ATRN: variants seen among roughly 807,000 people sequenced by gnomAD.
ATRN encodes the protein attractin, also known as attractin-2.
ATRN carries 54 observed loss-of-function variants against 178.7 expected under a neutral mutation model. The ratio of observed to expected loss-of-function variants is 0.30; its 90% CI spans 0.24 to 0.38. The LOEUF is 0.38. Among genes scored for constraint, ATRN ranks in the 10% least tolerant of loss-of-function variants. The probability of loss-of-function intolerance (pLI) is 1.00; values close to 1 mark genes in which losing one functional copy is unlikely to be tolerated. For synonymous variants in ATRN, 636 were observed against 663.0 expected, an observed-to-expected ratio of 0.96 and a Z score of 0.63; for missense variants, 1,443 against 1,815.1, an observed-to-expected ratio of 0.79 and a Z score of 3.73.
intron 1 of ATRN, chr20:3,489,428 C>T (rs543591283): frequency 1.4e-4 from 99 of 726,620 alleles, no homozygotes; most frequent in Non-Finnish European, 2.3e-4. Context: ...CATGAGACTA[C>T]GTAGCAAAGG....
intron 23 of ATRN, among the ~76,000 whole-genome samples, chr20:3,603,417 G>C (rs571790365): frequency 6.6e-6 from 1 of 152,224 alleles, no homozygotes; most frequent in Admixed American, 6.5e-5. Context: ...ATGATCATGT[G>C]TGTCACCTGT....
Position 3,547,356 on chromosome 20 carries a change from A to G in ATRN, c.810A>G (p.Glu270=). The G allele has an allele frequency of 1.2e-6, 2 of 1,614,122 alleles. No individual in the cohort carries two copies. The highest frequency in any genetic ancestry group is 1.7e-6 in the Non-Finnish European group (2 of 1,179,976). ...CKISNSSDTV[E]CECSENWKGE... Reference sequence around the variant, plus strand: ...TCAGTAATAGCAGCGATACTGTTGAATGTGAATGTTCTGAAAACTGGAAAG... The same window carrying G: ...TCAGTAATAGCAGCGATACTGTTGAGTGTGAATGTTCTGAAAACTGGAAAG... Residue 270 remains glutamate, a synonymous_variant, in exon 5 of 29, where the codon GAA becomes GAG. Coordinates refer to ENST00000262919, the MANE Select transcript of ATRN (RefSeq NM_139321.3).
intron 24 of ATRN, among the ~76,000 whole-genome samples, chr20:3,620,646 G>A (rs377129662): frequency 1.3e-5 from 2 of 152,238 alleles, no homozygotes; most frequent in African/African-American, 2.4e-5. Flanking sequence ...GACAGGGATA[G>A]GGCCTGAGAT....
intron 22 of ATRN, among the ~76,000 whole-genome samples, chr20:3,599,913 C>T (rs889302267): frequency 6.6e-6 from 1 of 152,148 alleles, no homozygotes; most frequent in African/African-American, 2.4e-5. Flanking sequence ...TTAATGATCA[C>T]ATTTTAAAAA....
chr20:3,619,138 G>T (rs2146310687), intron 24 of ATRN, among the ~76,000 whole-genome samples: 1 of 152,324 alleles, frequency 6.6e-6, no homozygotes. Flanking sequence ...CCTGACAGGT[G>T]CTGCCTTGAA....
chr20:3,584,587 T>C, intron 17 of ATRN, 60 bp from the exon 18 acceptor site: 1 of 1,239,952 alleles, frequency 8.1e-7, no homozygotes. Context: ...AAAAAAAAAG[T>C]AAATACAGTG....
At chr20:3,625,246 A>G (rs2086928351) in intron 25 of ATRN, among the ~76,000 whole-genome samples, 1 of 152,156 alleles carries the variant, frequency 6.6e-6, no homozygotes, top group Non-Finnish European at 1.5e-5. Flanking sequence ...GTAGAAGATG[A>G]GGATATACTG....
At chr20:3,471,556 G>A in intron 1 of ATRN, 39 bp downstream of exon 1, 20 of 1,374,536 alleles carry the variant, frequency 1.5e-5, no homozygotes, top group Non-Finnish European at 1.9e-5. Flanking sequence ...GGTCCAACCA[G>A]AGGCTGGGGC....
At chr20:3,563,149 A>G (rs2085978290) in intron 9 of ATRN, 60 bp from the exon 10 acceptor site, 3 of 1,449,432 alleles carry the variant, frequency 2.1e-6, no homozygotes, top group Non-Finnish European at 2.8e-6. Flanking sequence ...GCATTAGCAG[A>G]TACATAAATA....
intron 1 of ATRN, among the ~76,000 whole-genome samples, chr20:3,522,353 C>T (rs1159123004): frequency 1.3e-5 from 2 of 152,320 alleles, no homozygotes; most frequent in African/African-American, 4.8e-5. Flanking sequence ...CATAGCCAGA[C>T]TACCTCTCTA....
intron 1 of ATRN, among the ~76,000 whole-genome samples, chr20:3,528,277 G>A (rs1032815490): frequency 6.6e-6 from 1 of 151,838 alleles, no homozygotes; most frequent in African/African-American, 2.4e-5. Context: ...CTGAGGCAGA[G>A]AATTGCTGGA....
intron 24 of ATRN, among the ~76,000 whole-genome samples, chr20:3,605,679 C>T (rs1415647120): frequency 1.3e-5 from 2 of 152,182 alleles, no homozygotes; most frequent in African/African-American, 4.8e-5. Context: ...ACCACATGTT[C>T]TCACTCGTAA....
Position 3,638,706 on chromosome 20 carries a change from G to A in ATRN, c.3943-122G>A. ...TGTTATCTAATATCAAGTCTAAAAA[G>A]TATCATTTTGGACTTGATTTGTTTG... On this transcript the variant is annotated intron_variant, in intron 26 of 28. Transcript: ENST00000262919. This position sits in a 1 kb window ranked among gnomAD's most constrained non-coding sequence, Gnocchi z 4.5. 1.3e-6 allele frequency: 1 copy of A among 759,918 alleles called. No individual in the cohort carries two copies. The highest frequency in any genetic ancestry group is 1.9e-5 in the South Asian group (1 of 53,428). 47.1% of individuals were successfully genotyped at this position (759,918 alleles called of 1,614,324 possible). A position where few individuals can be genotyped will look rare whatever the true frequency, so the allele number is the denominator to read the frequency against.
intron 19 of ATRN, among the ~76,000 whole-genome samples, chr20:3,591,760 G>A (rs1362866274): frequency 2.0e-5 from 3 of 152,202 alleles, no homozygotes; most frequent in African/African-American, 7.2e-5. Context: ...AAAGTCCTGG[G>A]TTGGAGTCAG....
intron 12 of ATRN, among the ~76,000 whole-genome samples, chr20:3,574,614 T>G (rs2086177127): frequency 6.6e-6 from 1 of 152,238 alleles, no homozygotes; most frequent in South Asian, 2.1e-4. Flanking sequence ...CAGGGTTAGC[T>G]TGTCTCTTGA....
intron 1 of ATRN, 91 bp from the exon 2 acceptor site, chr20:3,535,162 A>G: frequency 2.2e-6 from 1 of 462,314 alleles, no homozygotes; most frequent in Non-Finnish European, 3.2e-6. Flanking sequence ...AAGAATTAAG[A>G]AATATTAATA....
chr20:3,630,609 G>A (rs1194991772), intron 25 of ATRN, among the ~76,000 whole-genome samples: 1 of 152,180 alleles, frequency 6.6e-6, no homozygotes, highest in Non-Finnish European at 1.5e-5. Flanking sequence ...ACAGCCTGGT[G>A]AGGACCGGCC....
intron 28 of ATRN, among the ~76,000 whole-genome samples, chr20:3,646,370 C>T (rs2087107957): frequency 6.6e-6 from 1 of 152,166 alleles, no homozygotes; most frequent in Non-Finnish European, 1.5e-5. Context: ...ATGTTCCCAC[C>T]ACCAAGCAGA....
chr20:3,497,440 T>C (rs1328508667), intron 1 of ATRN, among the ~76,000 whole-genome samples: 10 of 152,190 alleles, frequency 6.6e-5, no homozygotes, highest in Non-Finnish European at 1.5e-4. Context: ...TGGCTGGATA[T>C]GAAATTCTGG....
Sources: allele counts gnomAD v4.1 joint callset (sites outside exome capture counted in the v4.1 genomes callset), GRCh38; gene constraint gnomAD v4.1.1; non-coding constraint Gnocchi (gnomAD v3.1); transcripts MANE v1.5; gene names NCBI Gene and HGNC (gene_info 2026-07-23, HGNC 2026-07-21).